The following PPP1R1A variants were observed in gnomAD, a reference collection of about 807,000 sequenced individuals.
PPP1R1A encodes the protein protein phosphatase 1 regulatory inhibitor subunit 1A.
In PPP1R1A, 18 loss-of-function variants were observed where a neutral mutation model predicts 23.9. The ratio of observed to expected loss-of-function variants is 0.75; its 90% CI spans 0.52 to 1.12. PPP1R1A has a LOEUF of 1.12. Among genes scored for constraint, PPP1R1A ranks in the 50% most tolerant of loss-of-function variants. The pLI is 0.00. For missense variants in PPP1R1A, 207 were observed against 223.8 expected (o/e 0.92, Z 0.48); for synonymous variants, 84 against 80.7 (o/e 1.04, Z -0.22).
intron 1 of PPP1R1A, among the ~76,000 whole-genome samples, chr12:54,587,669 T>C (rs1168336866): frequency 2.6e-5 from 4 of 152,160 alleles, no homozygotes; most frequent in Non-Finnish European, 5.9e-5. Context: ...TTGTTCAGCT[T>C]GGACCCCAGC....
At position 54,584,491 on chromosome 12, in the gene PPP1R1A, A is replaced by G. The variant is rs139363208; in HGVS notation, c.85-171T>C. On this transcript the variant is annotated intron_variant, in intron 1 of 6. Transcript: ENST00000257905. ...CCTAAGCAAACTTATGCAGAAACAG[A>G]AAACCAAATACTGCGTGTTCTCACT... Among the ~76,000 whole-genome samples, 1,167 of 152,312 alleles carry G rather than the reference A, an allele frequency of 7.7e-3. 13 individuals carry two copies. Among genetic ancestry groups the G allele is most frequent in the African/African-American group, 0.027 (1,122 of 41,556 alleles).
rs1452310933 is a variant in PPP1R1A at position 54,581,618 on chromosome 12, A to G, written c.403+358T>C. Among the ~76,000 whole-genome samples the G allele has an allele frequency of 2.6e-5, 4 of 152,134 alleles. No homozygotes were observed. The highest frequency in any genetic ancestry group is 5.9e-5 in the Non-Finnish European group (4 of 68,030). ...ACAACCCACTGCAACAGGCACCCTCATTATCATTTTATACCCTGAGGTTAA... is the reference window on the plus strand; with the variant it reads ...ACAACCCACTGCAACAGGCACCCTCGTTATCATTTTATACCCTGAGGTTAA... On this transcript the variant is annotated intron_variant, in intron 5 of 6. Transcript: ENST00000257905. This position sits in a 1 kb window ranked among gnomAD's most constrained non-coding sequence, Gnocchi z 4.1.
At chr12:54,586,788 C>T (rs1349004733) in intron 1 of PPP1R1A, among the ~76,000 whole-genome samples, 1 of 152,150 alleles carries the variant, frequency 6.6e-6, no homozygotes. Context: ...CTCCTCCCTA[C>T]CCACCTACTA....
intron 6 of PPP1R1A, 42 bp from the exon 7 acceptor site, chr12:54,580,434 C>T: frequency 6.3e-7 from 1 of 1,579,110 alleles, no homozygotes; most frequent in South Asian, 1.1e-5. Flanking sequence ...GGTGAGAGGC[C>T]AGAGGGTCAT....
At chr12:54,584,178 T>C in intron 2 of PPP1R1A, 82 bp downstream of exon 2, 2 of 1,353,542 alleles carry the variant, frequency 1.5e-6, no homozygotes, top group Non-Finnish European at 2.1e-6. Context: ...GCTGTTCTTC[T>C]TCCATCTAGC....
chr12:54,588,566 C>T lies in PPP1R1A; in HGVS notation c.-78G>A, dbSNP rs2121223104. On this transcript the variant is annotated 5_prime_UTR_variant, in exon 1 of 7. Coordinates refer to ENST00000257905, the MANE Select transcript of PPP1R1A (RefSeq NM_006741.4). ...GACTCGGGGCTGGGGCGGGCGCGCT[C>T]CCTCTCCGCTCCGCTCCGGCCCCGG... 2 of 879,362 alleles carry T rather than the reference C, an allele frequency of 2.3e-6. No individual in the cohort carries two copies. The highest frequency in any genetic ancestry group is 9.3e-5 in the South Asian group (2 of 21,580). The allele number at this position is 879,362 out of a possible 1,614,324, so 54.5% of individuals were successfully genotyped here.
At position 54,580,255 on chromosome 12, in the gene PPP1R1A, C is replaced by T. The variant is rs777656760; in HGVS notation, c.*132G>A. The T allele has an allele frequency of 4.8e-4, 709 of 1,491,410 alleles. 7 individuals are homozygous for T. The highest frequency in any genetic ancestry group is 1.0e-4 in the Non-Finnish European group (113 of 1,116,800). The allele number at this position is 1,491,410 out of a possible 1,614,324, so 92.4% of individuals were successfully genotyped here. On this transcript the variant is annotated 3_prime_UTR_variant, in exon 7 of 7. Coordinates refer to ENST00000257905, the MANE Select transcript of PPP1R1A (RefSeq NM_006741.4). ...CCCAGTTGGAAAAGAAGGAAAGTGC[C>T]AAGGACCTAACACCAAATTTATCAC...
intron 2 of PPP1R1A, 36 bp downstream of exon 2, chr12:54,584,224 C>T (rs1246943720): frequency 1.3e-6 from 2 of 1,538,566 alleles, no homozygotes; most frequent in African/African-American, 2.7e-5. Context: ...GCCATAGTGG[C>T]CCCCACGCCC....
chr12:54,586,098 T>C (rs1454340545), intron 1 of PPP1R1A, among the ~76,000 whole-genome samples: 1 of 151,890 alleles, frequency 6.6e-6, no homozygotes, highest in Non-Finnish European at 1.5e-5. Context: ...GTGGTGGTAG[T>C]AGGAAAGAGA....
rs773560862 is a variant in PPP1R1A, at chr12:54,588,450, C to A, written c.39G>T (p.Thr13=). The stretch of plus-strand genomic sequence containing the variant: ...CAAGGTGCGGCTCCAGCAGCGGGAC[C>A]GTGAACTGGATCTTTCGGGGGCTGT... ...QDNSPRKIQF[T]VPLLEPHLDP... is the part of the protein sequence containing the mutation. Residue 13 remains threonine (T), a synonymous_variant, in exon 1 of 7, where the codon ACG becomes ACT. Coordinates refer to ENST00000257905, the MANE Select transcript of PPP1R1A (RefSeq NM_006741.4). 1 of 1,488,538 alleles carries A rather than the reference C, an allele frequency of 6.7e-7. No homozygotes were observed. The highest frequency in any genetic ancestry group is 9.0e-7 in the Non-Finnish European group (1 of 1,113,844). The allele number at this position is 1,488,538 out of a possible 1,614,324, so 92.2% of individuals were successfully genotyped here. A position where few individuals can be genotyped will look rare whatever the true frequency, so the allele number is the denominator to read the frequency against.
chr12:54,579,738 G>C lies in PPP1R1A; in HGVS notation c.*649C>G. The C allele has an allele frequency of 1.0e-6, 1 of 985,268 alleles. No homozygotes were observed. Among genetic ancestry groups the C allele is most frequent in the African/African-American group, 1.7e-5 (1 of 57,336 alleles). 61.0% of individuals were successfully genotyped at this position (985,268 alleles called of 1,614,324 possible). On this transcript the variant is annotated 3_prime_UTR_variant, in exon 7 of 7. Coordinates refer to ENST00000257905, the MANE Select transcript of PPP1R1A (RefSeq NM_006741.4). The stretch of plus-strand genomic sequence containing the variant: ...TAACGGGTTGAAATAAGGGACAGCG[G>C]TCCCACAGCTGGAAGAGGGAACACA...
In PPP1R1A at chr12:54,580,242, A is replaced by C; in HGVS notation, c.*145T>G. The C allele has an allele frequency of 6.9e-7, 1 of 1,459,786 alleles. No homozygotes were observed. 90.4% of individuals were successfully genotyped at this position (1,459,786 alleles called of 1,614,324 possible). On this transcript the variant is annotated 3_prime_UTR_variant, in exon 7 of 7. Transcript: ENST00000257905. Reference sequence around the variant, plus strand: ...GAGAAAGGATTCTCCCAGTTGGAAAAGAAGGAAAGTGCCAAGGACCTAACA... The same window carrying C: ...GAGAAAGGATTCTCCCAGTTGGAAACGAAGGAAAGTGCCAAGGACCTAACA...
At position 54,580,932 on chromosome 12, in the gene PPP1R1A, C is replaced by G. The variant is rs773803040; in HGVS notation, c.510+12G>C. 5.0e-6 allele frequency: 8 copies of G among 1,602,438 alleles called. No homozygotes were observed. Among genetic ancestry groups the G allele is most frequent in the African/African-American group, 2.7e-5 (2 of 74,738 alleles). On this transcript the variant is annotated intron_variant, in intron 6 of 6. Transcript: ENST00000257905. ...TCTCCTATGACCTGGCAGCCCAGCC[C>G]TGGGGTCTTACCGAGTTGGCTCCCT...
In PPP1R1A at chr12:54,581,030, T is replaced by C; in HGVS notation, c.424A>G (p.Lys142Glu). 3.1e-6 allele frequency: 5 copies of C among 1,613,450 alleles called. No individual in the cohort carries two copies. The highest frequency in any genetic ancestry group is 3.4e-6 in the Non-Finnish European group (4 of 1,179,434). Reference protein sequence around the residue: ...TAKKTAECIPKTHERGSKEPS... With the variant: ...TAKKTAECIPETHERGSKEPS... ...TCCTTACTGCCTCTCTCGTGAGTTT[T>C]AGGGATGCATTCTGCAGTTTCTGGG... Residue 142 changes from lysine to glutamate, a missense_variant, in exon 6 of 7, where the codon AAA (lysine) becomes GAA (glutamate). Physicochemically the swap from Lys to Glu is moderately conservative, Grantham distance 56. Coordinates refer to ENST00000257905, the MANE Select transcript of PPP1R1A (RefSeq NM_006741.4). The surrounding 1 kb of genome is among the most constrained non-coding windows in gnomAD (Gnocchi z 4.1).
At chr12:54,586,568 C>T (rs1957913455) in intron 1 of PPP1R1A, among the ~76,000 whole-genome samples, 1 of 152,210 alleles carries the variant, frequency 6.6e-6, no homozygotes, top group African/African-American at 2.4e-5. Flanking sequence ...GGGTTAGGAG[C>T]ACCTGCCAAG....
Position 54,581,973 on chromosome 12 carries a change from T to C in PPP1R1A, c.403+3A>G. ...CCTGGGGCCCTCCCCAGCCTGAACATACTTTTTGCTGTCCCAGAGGTGCCC... is the reference window on the plus strand; with the variant it reads ...CCTGGGGCCCTCCCCAGCCTGAACACACTTTTTGCTGTCCCAGAGGTGCCC... On this transcript the variant is annotated splice_donor_region_variant and intron_variant, in intron 5 of 6. Transcript: ENST00000257905. The surrounding 1 kb of genome is among the most constrained non-coding windows in gnomAD (Gnocchi z 4.1). The C allele has an allele frequency of 6.2e-7, 1 of 1,610,014 alleles. No individual in the cohort carries two copies. The highest frequency in any genetic ancestry group is 8.5e-7 in the Non-Finnish European group (1 of 1,177,818).
Position 54,588,466 on chromosome 12 carries a change from C to T in PPP1R1A, c.23G>A (p.Arg8Gln), listed in dbSNP as rs11550256. The change falls in exon 1 of 7, where the codon CGA (arginine) becomes CAA (glutamine). Residue 8 changes from arginine (R) to glutamine (Q), a missense_variant. Physicochemically the swap from Arg to Gln is conservative, Grantham distance 43. Coordinates refer to ENST00000257905, the MANE Select transcript of PPP1R1A (RefSeq NM_006741.4). ...CAGCGGGACCGTGAACTGGATCTTT[C>T]GGGGGCTGTTGTCTTGCTCCATGGC... MEQDNSP[R>Q]KIQFTVPLLE... The T allele has an allele frequency of 6.8e-7, 1 of 1,472,412 alleles. No individual in the cohort carries two copies. Among genetic ancestry groups the T allele is most frequent in the Non-Finnish European group, 9.0e-7 (1 of 1,105,172 alleles). The allele number at this position is 1,472,412 out of a possible 1,614,324, so 91.2% of individuals were successfully genotyped here.
chr12:54,584,648 G>C (rs1030929026), intron 1 of PPP1R1A, among the ~76,000 whole-genome samples: 1 of 151,998 alleles, frequency 6.6e-6, no homozygotes. Flanking sequence ...TTCACTCTCT[G>C]GGTCAATCAT....
Position 54,583,245 on chromosome 12 carries a change from A to G in PPP1R1A, c.149T>C (p.Ile50Thr), listed in dbSNP as rs768086820. ...TGGGTTGGGGATCCGGTCTTCATCT[A>G]TCTCTGAAGGGAACAGGGAAAGGAG... ...VLTSDQSSPE[I>T]DEDRIPNPHL... Residue 50 changes from isoleucine to threonine, a missense_variant, in exon 3 of 7, where the codon ATA becomes ACA. Ile to Thr is a moderately conservative substitution (Grantham distance 89, BLOSUM62 -1). Transcript: ENST00000257905. 2 of 1,528,942 alleles carry G rather than the reference A, an allele frequency of 1.3e-6. No individual in the cohort carries two copies. The highest frequency in any genetic ancestry group is 2.4e-5 in the East Asian group (1 of 41,884). The allele number at this position is 1,528,942 out of a possible 1,614,324, so 94.7% of individuals were successfully genotyped here.
Sources: gnomAD v4.1 joint callset for allele counts (sites outside exome capture counted in the v4.1 genomes callset) on GRCh38, gnomAD v4.1.1 for gene constraint, Gnocchi (gnomAD v3.1) non-coding constraint, MANE v1.5 for transcripts, NCBI Gene and HGNC (gene_info 2026-07-23, HGNC 2026-07-21) for gene names.